CRTC1: variants seen among roughly 807,000 people sequenced by gnomAD.
CRTC1 encodes CREB-regulated transcription coactivator 1.
In CRTC1, 18 loss-of-function variants were observed where a neutral mutation model predicts 66.1. The ratio of observed to expected loss-of-function variants is 0.27; its 90% confidence interval spans 0.19 to 0.40. The LOEUF is 0.40. Ranked by LOEUF, CRTC1 falls within the 10% of genes least tolerant of loss-of-function variation. The probability of loss-of-function intolerance (pLI) is 1.00; values close to 1 mark genes in which losing one functional copy is unlikely to be tolerated. For synonymous variants in CRTC1, 416 were observed against 398.8 expected (o/e 1.04, Z -0.51); for missense variants, 669 against 887.9 (o/e 0.75, Z 3.13).
intron 1 of CRTC1, among the ~76,000 whole-genome samples, chr19:18,704,435 G>C (rs35033177): frequency 0.13 from 19,574 of 152,162 alleles, 1,377 homozygotes; most frequent in Non-Finnish European, 0.15. Flanking sequence ...CATGTGGCCA[G>C]ATGCGGTAGC....
chr19:18,736,706 G>C (rs1261631767), intron 1 of CRTC1, among the ~76,000 whole-genome samples: 1 of 152,096 alleles, frequency 6.6e-6, no homozygotes, highest in Non-Finnish European at 1.5e-5. Context: ...GCCTAGAGGT[G>C]GAGAGGGGGG....
chr19:18,740,898 C>T (rs528235443), intron 1 of CRTC1, among the ~76,000 whole-genome samples: 29 of 151,936 alleles, frequency 1.9e-4, no homozygotes, highest in African/African-American at 5.8e-4. Flanking sequence ...TCAGCTAGTT[C>T]GGAGGCTGAG....
chr19:18,695,733 T>C (rs556150582), intron 1 of CRTC1, among the ~76,000 whole-genome samples: 5 of 152,138 alleles, frequency 3.3e-5, no homozygotes, highest in African/African-American at 1.2e-4. Context: ...GGCGTGGTGG[T>C]GGGCGCCTGT....
chr19:18,716,931 G>A (rs1433934189), intron 1 of CRTC1, among the ~76,000 whole-genome samples: 1 of 152,194 alleles, frequency 6.6e-6, no homozygotes, highest in East Asian at 1.9e-4. Context: ...AGTTGTGAAT[G>A]TGCTCGTGTG....
At chr19:18,776,318 C>G (rs1438229368) in intron 13 of CRTC1, among the ~76,000 whole-genome samples, 1 of 152,218 alleles carries the variant, frequency 6.6e-6, no homozygotes, top group Non-Finnish European at 1.5e-5. Context: ...TGGGGACAAG[C>G]CAGCCCCGTC....
intron 7 of CRTC1, 56 bp from the exon 8 acceptor site, chr19:18,759,952 C>T (rs551851277): frequency 3.1e-5 from 43 of 1,391,506 alleles, no homozygotes; most frequent in African/African-American, 4.4e-5. Context: ...CCCCTGTCCC[C>T]GCCGCCAGCC....
Position 18,760,339 on chromosome 19 carries a change from C to G in CRTC1, c.886+111C>G. ...GTTCCAAATACTAGGGCATGGGGGACAGGGCTGGGGGGCGGCCGACAGGCT... is the reference window on the plus strand; with the variant it reads ...GTTCCAAATACTAGGGCATGGGGGAGAGGGCTGGGGGGCGGCCGACAGGCT... On this transcript the variant is annotated intron_variant, in intron 8 of 13. Coordinates refer to ENST00000321949, the MANE Select transcript of CRTC1 (RefSeq NM_015321.3). The surrounding 1 kb of genome is among the most constrained non-coding windows in gnomAD (Gnocchi z 6.2). The G allele has an allele frequency of 1.0e-6, 1 of 966,800 alleles. No individual in the cohort carries two copies. Among genetic ancestry groups the G allele is most frequent in the Non-Finnish European group, 1.5e-6 (1 of 647,930 alleles). The allele number at this position is 966,800 out of a possible 1,614,324, so 59.9% of individuals were successfully genotyped here.
chr19:18,685,947 T>C (rs934024728), intron 1 of CRTC1, among the ~76,000 whole-genome samples: 1 of 152,234 alleles, frequency 6.6e-6, no homozygotes, highest in Non-Finnish European at 1.5e-5. Context: ...GAGATATGAT[T>C]CACACATCAT....
Position 18,778,644 on chromosome 19 carries a change from G to C in CRTC1, c.*1262G>C. 4.3e-6 allele frequency: 1 copy of C among 230,852 alleles called. No individual in the cohort carries two copies. The highest frequency in any genetic ancestry group is 8.6e-6 in the Non-Finnish European group (1 of 116,512). The allele number at this position is 230,852 out of a possible 1,614,324, so 14.3% of individuals were successfully genotyped here. On this transcript the variant is annotated 3_prime_UTR_variant, in exon 14 of 14. Transcript: ENST00000321949. ...TTATTGAGGGTCTCTCAAAGACCCA[G>C]CCTGCCAGCCTCTCCCAGAGGTGCC...
intron 1 of CRTC1, among the ~76,000 whole-genome samples, chr19:18,695,492 G>A (rs56244399): frequency 0.065 from 9,853 of 152,254 alleles, 452 homozygotes; most frequent in East Asian, 0.23. Flanking sequence ...GCAACTTTTG[G>A]GGACATTTGT....
Position 18,768,781 on chromosome 19 carries a change from C to T in CRTC1, c.1308C>T (p.Ile436=), listed in dbSNP as rs751862704. 13 of 1,600,880 alleles carry T rather than the reference C, an allele frequency of 8.1e-6. No homozygotes were observed. Among genetic ancestry groups the T allele is most frequent in the East Asian group, 2.3e-5 (1 of 44,360 alleles). Residue 436 remains isoleucine, a synonymous_variant, in exon 10 of 14, where the codon ATC becomes ATT. Transcript: ENST00000321949. The surrounding 1 kb of genome is among the most constrained non-coding windows in gnomAD (Gnocchi z 5.6). The part of the protein sequence containing the change: ...PENPGQPSMG[I]DIASAPALQQ... ...ACCCTGGCCAGCCATCGATGGGGAT[C>T]GACATCGCCTCGGTAAGCCCAGGGT...
Position 18,743,012 on chromosome 19 carries a change from G to A in CRTC1, c.229G>A (p.Asp77Asn). 6.2e-7 allele frequency: 1 copy of A among 1,612,752 alleles called. No homozygotes were observed. The highest frequency in any genetic ancestry group is 8.5e-7 in the Non-Finnish European group (1 of 1,179,482). Reference protein sequence around the residue: ...NVNQIGSGTMDLPFQTPFQSS... With the variant: ...NVNQIGSGTMNLPFQTPFQSS... ...GAACCAGATCGGGAGTGGCACCATG[G>A]ACCTGCCCTTCCAGGTGAGTGCCCC... The change falls in exon 2 of 14, where the codon GAC (aspartate) becomes AAC (asparagine). Residue 77 changes from aspartate to asparagine, a missense_variant. Transcript: ENST00000321949.
intron 8 of CRTC1, among the ~76,000 whole-genome samples, chr19:18,764,977 G>C (rs932019755): frequency 6.6e-6 from 1 of 152,232 alleles, no homozygotes; most frequent in South Asian, 2.1e-4. Flanking sequence ...AGGCTCAGAT[G>C]CTGCCTCTCC....
chr19:18,772,505 C>T lies in CRTC1; in HGVS notation c.1425+959C>T, dbSNP rs560572054. Among the ~76,000 whole-genome samples, 6 of 152,342 alleles carry T rather than the reference C, an allele frequency of 3.9e-5. No individual in the cohort carries two copies. In the South Asian group the frequency reaches 1.0e-3, roughly 26 times the overall value. ...GGGGCCCTGAAGCCATCCCTGTCCC[C>T]TGTAGAGGGGATGCTCTCGTCCTAC... is the stretch of plus-strand genomic sequence containing the variant. On this transcript the variant is annotated intron_variant, in intron 11 of 13. Coordinates refer to ENST00000321949, the MANE Select transcript of CRTC1 (RefSeq NM_015321.3).
intron 10 of CRTC1, among the ~76,000 whole-genome samples, chr19:18,770,848 G>T (rs1601008720): frequency 6.6e-6 from 1 of 151,528 alleles, no homozygotes; most frequent in South Asian, 2.1e-4. Context: ...GGGTGTGCAT[G>T]TGGGTGTGGG....
intron 1 of CRTC1, among the ~76,000 whole-genome samples, chr19:18,725,256 C>T (rs1347654828): frequency 6.6e-6 from 1 of 152,218 alleles, no homozygotes; most frequent in Admixed American, 6.5e-5. Context: ...GGCCTCTGCA[C>T]CTCCAGCCCC....
At chr19:18,688,951 T>TC (rs2052756388) in intron 1 of CRTC1, among the ~76,000 whole-genome samples, 1 of 152,076 alleles carries the variant, frequency 6.6e-6, no homozygotes, top group Non-Finnish European at 1.5e-5. Context: ...TTGCTTGCTT[T>TC]CTTTTTTTTT....
chr19:18,743,124 G>A (rs1039580581), intron 2 of CRTC1, 98 bp downstream of exon 2: 2 of 964,278 alleles, frequency 2.1e-6, no homozygotes, highest in East Asian at 2.5e-5. Context: ...TTATCAGACA[G>A]TTGGCGGAGC....
At chr19:18,750,143 T>C (rs2054331643) in intron 5 of CRTC1, among the ~76,000 whole-genome samples, 1 of 152,202 alleles carries the variant, frequency 6.6e-6, no homozygotes, top group Non-Finnish European at 1.5e-5. Context: ...GGCGTGGCCA[T>C]GAAGTCTGGG....
Sources: allele counts gnomAD v4.1 joint callset (sites outside exome capture counted in the v4.1 genomes callset), GRCh38; gene constraint gnomAD v4.1.1; non-coding constraint Gnocchi (gnomAD v3.1); transcripts MANE v1.5; gene names NCBI Gene and HGNC (gene_info 2026-07-23, HGNC 2026-07-21).